Variants in IL1R1 observed in about 807,000 individuals in gnomAD.
IL1R1 encodes interleukin 1 receptor type 1.
Under a neutral mutation model 50.2 loss-of-function variants are expected in IL1R1, and 22 were observed. That is an observed-to-expected ratio of 0.44 (90% confidence interval 0.31 to 0.63). The LOEUF (loss-of-function observed/expected upper bound fraction) is 0.63. IL1R1 is among the 20% of genes least tolerant of loss of function. The pLI, the probability that IL1R1 is intolerant of heterozygous loss-of-function variation, is 0.07. For synonymous variants in IL1R1, 251 were observed against 236.7 expected (o/e 1.06, Z -0.55); for missense variants, 509 against 676.2 (o/e 0.75, Z 2.74).
chr2:102,119,243 T>C (rs1036477058), intron 1 of IL1R1, among the ~76,000 whole-genome samples: 1 of 152,182 alleles, frequency 6.6e-6, no homozygotes, highest in African/African-American at 2.4e-5. Flanking sequence ...ATGTAAGTTC[T>C]TTATTGCACT....
intron 1 of IL1R1, among the ~76,000 whole-genome samples, chr2:102,097,113 G>T (rs1196888377): frequency 6.6e-6 from 1 of 152,180 alleles, no homozygotes; most frequent in Non-Finnish European, 1.5e-5. Context: ...TAAGTCTAAA[G>T]TTGGTCATTG....
At position 102,165,045 on chromosome 2, in the gene IL1R1, G is replaced by A. The variant is rs530031770; in HGVS notation, c.296+37G>A. 2.5e-6 allele frequency: 4 copies of A among 1,576,420 alleles called. No individual in the cohort carries two copies. The African/African-American group carries it at 5.4e-5, about 21-fold the overall frequency. On this transcript the variant is annotated intron_variant, in intron 4 of 11. Transcript: ENST00000410023. ...ATTAGTATGTTACAAACATGTTCTA[G>A]TTTCCTGCAGTTGTTAAGGACAGAA...
At chr2:102,146,712 T>C (rs1435223388) in intron 1 of IL1R1, among the ~76,000 whole-genome samples, 1 of 152,058 alleles carries the variant, frequency 6.6e-6, no homozygotes, top group East Asian at 1.9e-4. Flanking sequence ...TAGAAGGGAG[T>C]TGGGGGGCTA....
intron 3 of IL1R1, among the ~76,000 whole-genome samples, chr2:102,158,788 G>A (rs1345785971): frequency 6.6e-6 from 1 of 152,162 alleles, no homozygotes; most frequent in Non-Finnish European, 1.5e-5. Context: ...GAGGTGATCT[G>A]ACTTACGTTT....
chr2:102,094,804 T>C (rs1488419606), intron 1 of IL1R1, among the ~76,000 whole-genome samples: 2 of 151,564 alleles, frequency 1.3e-5, no homozygotes, highest in East Asian at 3.9e-4. Context: ...TTTCTTTTAT[T>C]GGAACAGGTT....
At chr2:102,072,139 A>G (rs1678751345) in intron 1 of IL1R1, among the ~76,000 whole-genome samples, 1 of 151,882 alleles carries the variant, frequency 6.6e-6, no homozygotes. Context: ...CTGTGCCTGT[A>G]ATCCTAGCTA....
chr2:102,073,608 C>T (rs1343485751), intron 1 of IL1R1, among the ~76,000 whole-genome samples: 1 of 152,168 alleles, frequency 6.6e-6, no homozygotes, highest in Admixed American at 6.5e-5. Context: ...TCTGCATTTT[C>T]ACAGAATCTC....
At chr2:102,171,713 C>T (rs1181171433) in intron 7 of IL1R1, 88 bp from the exon 8 acceptor site, 2 of 670,216 alleles carry the variant, frequency 3.0e-6, no homozygotes, top group Non-Finnish European at 2.3e-6. Flanking sequence ...ATTTCTATAT[C>T]TAAAATTTTA....
intron 1 of IL1R1, among the ~76,000 whole-genome samples, chr2:102,145,093 G>A (rs58082372): frequency 0.028 from 4,279 of 152,286 alleles, 139 homozygotes; most frequent in African/African-American, 0.076. Context: ...CATAGTGGGT[G>A]GAGAAGTACA....
chr2:102,129,281 A>G (rs1482430961), intron 1 of IL1R1, among the ~76,000 whole-genome samples: 1 of 151,848 alleles, frequency 6.6e-6, no homozygotes, highest in Non-Finnish European at 1.5e-5. Context: ...AACAACAACA[A>G]CAACAACAAC....
intron 1 of IL1R1, among the ~76,000 whole-genome samples, chr2:102,151,056 C>T (rs1420559986): frequency 1.3e-5 from 2 of 152,194 alleles, no homozygotes; most frequent in African/African-American, 4.8e-5. Flanking sequence ...TACTATAAGT[C>T]ATTTAAAAGA....
At chr2:102,120,158 A>G (rs1681325767) in intron 1 of IL1R1, among the ~76,000 whole-genome samples, 1 of 152,154 alleles carries the variant, frequency 6.6e-6, no homozygotes, top group Admixed American at 6.6e-5. Context: ...AAAAAAGTGA[A>G]AAGTCTTTAG....
chr2:102,117,493 TC>T (rs1681151001), intron 1 of IL1R1, among the ~76,000 whole-genome samples: 1 of 152,246 alleles, frequency 6.6e-6, no homozygotes, highest in Non-Finnish European at 1.5e-5. Context: ...TTTAGTGTCT[TC>T]CAATTTCTTG....
intron 1 of IL1R1, among the ~76,000 whole-genome samples, chr2:102,128,474 T>C (rs1394154749): frequency 1.3e-5 from 2 of 152,238 alleles, no homozygotes; most frequent in African/African-American, 2.4e-5. Flanking sequence ...ATTGACTATG[T>C]TTAAATACTT....
intron 1 of IL1R1, among the ~76,000 whole-genome samples, chr2:102,090,143 T>A (rs962075329): frequency 3.3e-5 from 5 of 151,266 alleles, no homozygotes; most frequent in African/African-American, 1.2e-4. Context: ...CTATCCTTTT[T>A]TTTTCAATTT....
chr2:102,074,606 G>T (rs562831460), intron 1 of IL1R1, among the ~76,000 whole-genome samples: 16 of 152,274 alleles, frequency 1.1e-4, no homozygotes, highest in African/African-American at 3.9e-4. Flanking sequence ...AATTCAAGCT[G>T]GGAGGAAAAC....
chr2:102,129,964 G>A (rs1391571674), intron 1 of IL1R1, among the ~76,000 whole-genome samples: 1 of 152,124 alleles, frequency 6.6e-6, no homozygotes, highest in Admixed American at 6.6e-5. Flanking sequence ...TAAACTCATT[G>A]CCTGTTAACA....
upstream of IL1R1, among the ~76,000 whole-genome samples, chr2:102,140,270 A>T (rs1446833697): frequency 1.3e-5 from 2 of 152,138 alleles, no homozygotes; most frequent in Non-Finnish European, 2.9e-5. Context: ...GCCATAGGAG[A>T]TGCTTTATTT....
At chr2:102,173,946 A>G (rs1205232089) in intron 9 of IL1R1, among the ~76,000 whole-genome samples, 1 of 152,242 alleles carries the variant, frequency 6.6e-6, no homozygotes, top group East Asian at 1.9e-4. Context: ...GGAAAATGGT[A>G]TAACTTGATT....
Sources: gnomAD v4.1 joint callset for allele counts (sites outside exome capture counted in the v4.1 genomes callset) on GRCh38, gnomAD v4.1.1 for gene constraint, MANE v1.5 for transcripts, NCBI Gene and HGNC (gene_info 2026-07-23, HGNC 2026-07-21) for gene names.